BNC2: variants seen among roughly 807,000 people sequenced by gnomAD.
BNC2 encodes the protein basonuclin zinc finger protein 2.
A neutral mutation model predicts 76.3 loss-of-function variants in BNC2; 20 were observed. The ratio of observed to expected loss-of-function variants is 0.26; its 90% CI spans 0.18 to 0.38. The LOEUF (loss-of-function observed/expected upper bound fraction) is 0.38, where lower values mean the gene tolerates loss of function less well. Ranked by LOEUF, BNC2 falls within the 10% of genes least tolerant of loss-of-function variation. The pLI, the probability that BNC2 is intolerant of heterozygous loss-of-function variation, is 1.00. For missense variants in BNC2, 1,382 were observed against 1,399.8 expected, an observed-to-expected ratio of 0.99 and a Z score of 0.20; for synonymous variants, 582 against 514.8, an observed-to-expected ratio of 1.13 and a Z score of -1.77.
At chr9:16,509,491 C>T (rs1822705165) in intron 5 of BNC2, among the ~76,000 whole-genome samples, 1 of 152,208 alleles carries the variant, frequency 6.6e-6, no homozygotes, top group African/African-American at 2.4e-5. Context: ...GGAATCCATA[C>T]CACGTCACAA....
intron 5 of BNC2, among the ~76,000 whole-genome samples, chr9:16,454,460 C>G (rs1821406122): frequency 6.6e-6 from 1 of 152,072 alleles, no homozygotes; most frequent in Non-Finnish European, 1.5e-5. Flanking sequence ...GCCACCACAC[C>G]CAGCTAATTT....
intron 3 of BNC2, among the ~76,000 whole-genome samples, chr9:16,645,623 C>T (rs776848785): frequency 1.3e-5 from 2 of 152,102 alleles, no homozygotes; most frequent in African/African-American, 4.8e-5. Context: ...CATCACAGCA[C>T]AAGAGTTGTA....
chr9:16,706,844 A>G (rs1312108636), intron 3 of BNC2, among the ~76,000 whole-genome samples: 2 of 152,220 alleles, frequency 1.3e-5, no homozygotes, highest in Non-Finnish European at 2.9e-5. Flanking sequence ...ACCAAAACCT[A>G]TGTGAAACAC....
intron 5 of BNC2, among the ~76,000 whole-genome samples, chr9:16,547,491 T>C (rs891941787): frequency 2.0e-5 from 3 of 152,252 alleles, no homozygotes; most frequent in African/African-American, 7.2e-5. Flanking sequence ...TGCATTTGTG[T>C]TGTTCCCTAG....
At chr9:16,649,057 G>A (rs571437232) in intron 3 of BNC2, among the ~76,000 whole-genome samples, 2 of 152,308 alleles carry the variant, frequency 1.3e-5, no homozygotes, top group East Asian at 3.9e-4. Flanking sequence ...ATGTAAGTGT[G>A]TGAATGCATA....
Position 16,582,892 on chromosome 9 carries a change from GACACACAC to G in BNC2, c.433+83_433+90del, listed in dbSNP as rs149223772. The G allele has an allele frequency of 5.3e-3, 3,297 of 626,972 alleles. 8 individuals are homozygous for G. The highest frequency in any genetic ancestry group is 0.016 in the South Asian group (925 of 56,692). The allele number at this position is 626,972 out of a possible 1,614,324, so 38.8% of individuals were successfully genotyped here. On this transcript the variant is annotated intron_variant, in intron 4 of 6. Coordinates refer to ENST00000380672, the MANE Select transcript of BNC2 (RefSeq NM_017637.6). ...TCCAGGCCAGTGACTCCTCTAAACA[GACACACAC>G]ACACACACACACACACACACACACA...
chr9:16,618,070 T>A (rs1339274327), intron 3 of BNC2, among the ~76,000 whole-genome samples: 1 of 152,218 alleles, frequency 6.6e-6, no homozygotes, highest in Non-Finnish European at 1.5e-5. Context: ...CTACCTATTC[T>A]ACGTGCCCTC....
intron 5 of BNC2, among the ~76,000 whole-genome samples, chr9:16,464,951 T>C (rs566869475): frequency 2.0e-5 from 3 of 152,330 alleles, no homozygotes; most frequent in South Asian, 4.1e-4. Flanking sequence ...TCCTATGGCC[T>C]TTCCAATGCT....
chr9:16,525,732 AAAAAGG>A (rs1401079832), intron 5 of BNC2, among the ~76,000 whole-genome samples: 3 of 152,228 alleles, frequency 2.0e-5, no homozygotes, highest in Admixed American at 2.0e-4. Flanking sequence ...TTATTAAGTG[AAAAAGG>A]AAAAGTGCAG....
intron 3 of BNC2, among the ~76,000 whole-genome samples, chr9:16,705,585 GCTA>G (rs1200246810): frequency 6.6e-6 from 1 of 152,066 alleles, no homozygotes; most frequent in African/African-American, 2.4e-5. Context: ...TATTATTACT[GCTA>G]CTATTGAAAG....
intron 1 of BNC2, among the ~76,000 whole-genome samples, chr9:16,858,772 G>T (rs1819324959): frequency 6.6e-6 from 1 of 151,964 alleles, no homozygotes; most frequent in Admixed American, 6.6e-5. Context: ...CGTGAACCCG[G>T]GAGGCGGAGT....
chr9:16,424,694 A>G (rs558348898), intron 6 of BNC2, among the ~76,000 whole-genome samples: 16 of 152,168 alleles, frequency 1.1e-4, no homozygotes, highest in Non-Finnish European at 2.1e-4. Context: ...CAATCTGGGT[A>G]AGTCTAGATG....
rs74739517 is a variant in BNC2 at position 16,484,754 on chromosome 9, G to A, written c.670-47230C>T. Among the ~76,000 whole-genome samples, 681 of 152,212 alleles carry A rather than the reference G, an allele frequency of 4.5e-3. 4 individuals carry two copies. The highest frequency in any genetic ancestry group is 7.2e-3 in the Non-Finnish European group (489 of 68,018). On this transcript the variant is annotated intron_variant, in intron 5 of 6. Transcript: ENST00000380672. ...CAGGTGCTACATTTCACTGTGCCAC[G>A]ACCTATATGTTCTCATTGTTTAAAA...
Position 16,463,294 on chromosome 9 carries a change from C to CTTTTTTTTTTTTTT in BNC2, c.670-25784_670-25771dup, listed in dbSNP as rs34855187. On this transcript the variant is annotated intron_variant, in intron 5 of 6. Transcript: ENST00000380672. ...ACTGTGAGCATACAAGTATTAAATTCTTTTTTTTTTTTTTTTTTTTGAGAC... is the reference window on the plus strand; with the variant it reads ...ACTGTGAGCATACAAGTATTAAATTCTTTTTTTTTTTTTTTTTTTTTTTTTTTTTTTTTTGAGAC... Among the ~76,000 whole-genome samples the CTTTTTTTTTTTTTT allele has an allele frequency of 1.3e-4, 14 of 105,606 alleles. 2 individuals are homozygous for CTTTTTTTTTTTTTT. The highest frequency in any genetic ancestry group is 6.0e-4 in the African/African-American group (14 of 23,526). The allele number at this position is 105,606 out of a possible 152,430, so 69.3% of individuals were successfully genotyped here. A position where few individuals can be genotyped will look rare whatever the true frequency, so the allele number is the denominator to read the frequency against.
intron 5 of BNC2, among the ~76,000 whole-genome samples, chr9:16,515,096 T>C (rs1159664935): frequency 6.6e-6 from 1 of 152,168 alleles, no homozygotes; most frequent in Non-Finnish European, 1.5e-5. Context: ...CTTGCATCAA[T>C]AGGACCACTG....
intron 6 of BNC2, among the ~76,000 whole-genome samples, chr9:16,426,955 A>T (rs1160232818): frequency 6.6e-6 from 1 of 152,198 alleles, no homozygotes; most frequent in Non-Finnish European, 1.5e-5. Context: ...TTTTTACCCG[A>T]GAAATGAGAG....
At chr9:16,555,576 C>T (rs1432720627) in intron 4 of BNC2, among the ~76,000 whole-genome samples, 1 of 151,608 alleles carries the variant, frequency 6.6e-6, no homozygotes, top group Non-Finnish European at 1.5e-5. Context: ...CGGCAGATTG[C>T]CTAAGCCAAG....
intron 3 of BNC2, among the ~76,000 whole-genome samples, chr9:16,702,538 T>TAA (rs35763446): frequency 0.014 from 1,919 of 138,358 alleles, 48 homozygotes; most frequent in African/African-American, 0.048. Flanking sequence ...TTTCTTTACT[T>TAA]AAAAAAAAAA....
At chr9:16,540,993 A>G (rs907502178) in intron 5 of BNC2, among the ~76,000 whole-genome samples, 1 of 152,202 alleles carries the variant, frequency 6.6e-6, no homozygotes, top group African/African-American at 2.4e-5. Flanking sequence ...CAGCCAATCA[A>G]AACCCTCCCC....
Sources: gnomAD v4.1 joint callset for allele counts (sites outside exome capture counted in the v4.1 genomes callset) on GRCh38, gnomAD v4.1.1 for gene constraint, MANE v1.5 for transcripts, NCBI Gene and HGNC (gene_info 2026-07-23, HGNC 2026-07-21) for gene names.